The following RNPEP variants were observed in gnomAD, a reference collection of about 807,000 sequenced individuals.
RNPEP encodes the protein aminopeptidase B.
Under a neutral mutation model 70.1 loss-of-function variants are expected in RNPEP, and 57 were observed. The observed-to-expected ratio is 0.81, with a 90% CI of 0.66 to 1.01. RNPEP has a LOEUF of 1.01. Ranked by LOEUF, RNPEP falls within the 50% of genes least tolerant of loss-of-function variation. The probability of loss-of-function intolerance (pLI) is 0.00; values close to 1 mark genes in which losing one functional copy is unlikely to be tolerated. For missense variants in RNPEP, 787 were observed against 852.4 expected (o/e 0.92, Z 0.96); for synonymous variants, 335 against 357.4 (o/e 0.94, Z 0.71).
At position 201,982,962 on chromosome 1, in the gene RNPEP, G is replaced by A. The variant is rs1392691667; in HGVS notation, c.296G>A (p.Gly99Asp). Reference sequence around the variant, plus strand: ...GCGGCGCTGCGGCGGGAGCGGCCCGGCTCGGAGGAGCCGCCTGCGGAGCCC... The same window carrying A: ...GCGGCGCTGCGGCGGGAGCGGCCCGACTCGGAGGAGCCGCCTGCGGAGCCC... ...TAAALRRERP[G>D]SEEPPAEPVS... Residue 99 changes from glycine (G) to aspartate (D), a missense_variant, in exon 1 of 11, where the codon GGC (glycine) becomes GAC (aspartate). By Grantham distance (94) the Gly-to-Asp change is moderately conservative. Transcript: ENST00000295640. 42 of 1,502,022 alleles carry A rather than the reference G, an allele frequency of 2.8e-5. No individual in the cohort carries two copies. The highest frequency in any genetic ancestry group is 3.5e-5 in the Non-Finnish European group (40 of 1,128,708). 93.0% of individuals were successfully genotyped at this position (1,502,022 alleles called of 1,614,324 possible). A position where few individuals can be genotyped will look rare whatever the true frequency, so the allele number is the denominator to read the frequency against.
intron 3 of RNPEP, among the ~76,000 whole-genome samples, chr1:201,994,312 G>A (rs1049412399): frequency 6.6e-6 from 1 of 152,116 alleles, no homozygotes; most frequent in African/African-American, 2.4e-5. Context: ...AACTAAATCT[G>A]ATAATGTCAC....
chr1:201,998,469 C>T (rs1316946999), intron 5 of RNPEP, among the ~76,000 whole-genome samples: 3 of 152,134 alleles, frequency 2.0e-5, no homozygotes, highest in Non-Finnish European at 2.9e-5. Flanking sequence ...TGGTCTTGAA[C>T]TCCTGGCCTC....
Position 202,001,778 on chromosome 1 carries a change from G to A in RNPEP, c.1426+11G>A, listed in dbSNP as rs1449531510. ...TGGATATCATTCCAGGTAAGCAGAG[G>A]AACTGGCCCACAGGCTTCTAAAAAA... On this transcript the variant is annotated intron_variant, in intron 8 of 10. Coordinates refer to ENST00000295640, the MANE Select transcript of RNPEP (RefSeq NM_020216.4). The A allele has an allele frequency of 6.8e-7, 1 of 1,465,070 alleles. No homozygotes were observed. The highest frequency in any genetic ancestry group is 2.3e-5 in the East Asian group (1 of 44,208). 90.8% of individuals were successfully genotyped at this position (1,465,070 alleles called of 1,614,324 possible).
intron 5 of RNPEP, among the ~76,000 whole-genome samples, chr1:201,999,473 C>A (rs113937682): frequency 0.012 from 1,801 of 149,140 alleles, 37 homozygotes; most frequent in African/African-American, 0.042. Context: ...CAGGAGGAGA[C>A]GGAGGTTGCA....
Position 202,004,333 on chromosome 1 carries a change from C to T in RNPEP, c.1652-21C>T, listed in dbSNP as rs770563583. On this transcript the variant is annotated intron_variant, in intron 9 of 10. Coordinates refer to ENST00000295640, the MANE Select transcript of RNPEP (RefSeq NM_020216.4). ...GTGACCCACCGTGACCAGCCACAAACCATTTCTTTCTCTTCTCCAGGGAAT... is the reference window on the plus strand; with the variant it reads ...GTGACCCACCGTGACCAGCCACAAATCATTTCTTTCTCTTCTCCAGGGAAT... 7 of 1,613,628 alleles carry T rather than the reference C, an allele frequency of 4.3e-6. No homozygotes were observed. The Admixed American group carries it at 1.0e-4, about 23-fold the overall frequency.
In RNPEP at chr1:202,001,642, G is replaced by A; in HGVS notation, c.1318-17G>A. On this transcript the variant is annotated splice_polypyrimidine_tract_variant and intron_variant, in intron 7 of 10. Coordinates refer to ENST00000295640, the MANE Select transcript of RNPEP (RefSeq NM_020216.4). ...CACGGGGCCAGAGAGGGTCTAAAGA[G>A]CTTTCCCTCCTCACAGGCCTATGTG... 1 of 1,592,424 alleles carries A rather than the reference G, an allele frequency of 6.3e-7. No individual in the cohort carries two copies. Among genetic ancestry groups the A allele is most frequent in the South Asian group, 1.1e-5 (1 of 90,686 alleles).
intron 1 of RNPEP, among the ~76,000 whole-genome samples, chr1:201,988,098 C>A (rs144109514): frequency 0.041 from 6,126 of 150,962 alleles, 402 homozygotes; most frequent in African/African-American, 0.14. Flanking sequence ...TGAGATCACA[C>A]CATTGCACTC....
intron 1 of RNPEP, among the ~76,000 whole-genome samples, chr1:201,985,412 C>T (rs925341048): frequency 6.6e-6 from 1 of 152,168 alleles, no homozygotes; most frequent in African/African-American, 2.4e-5. Flanking sequence ...GCCACCTCCA[C>T]ACTTGGCTAA....
Position 202,000,582 on chromosome 1 carries a change from G to A in RNPEP, c.1204+567G>A, listed in dbSNP as rs146847832. On this transcript the variant is annotated intron_variant, in intron 6 of 10. Coordinates refer to ENST00000295640, the MANE Select transcript of RNPEP (RefSeq NM_020216.4). The stretch of plus-strand genomic sequence containing the variant: ...GTTTGCAGATGAATTTCTTAGAGAC[G>A]GGTAATTAGTTTTAGCCTGGAACAG... 5.9e-5 allele frequency among the ~76,000 whole-genome samples: 9 copies of A among 152,230 alleles called. No homozygotes were observed. The East Asian group carries it at 1.7e-3, about 29-fold the overall frequency.
chr1:202,002,775 T>G (rs1021702930), intron 8 of RNPEP, among the ~76,000 whole-genome samples: 3 of 152,208 alleles, frequency 2.0e-5, no homozygotes, highest in Non-Finnish European at 4.4e-5. Flanking sequence ...CATGTAATCC[T>G]CATAACCATC....
At chr1:201,994,046 G>A (rs1021080096) in intron 3 of RNPEP, among the ~76,000 whole-genome samples, 1 of 151,998 alleles carries the variant, frequency 6.6e-6, no homozygotes, top group African/African-American at 2.4e-5. Context: ...TTGCCTTCAT[G>A]TTCTGCTGTT....
intron 1 of RNPEP, among the ~76,000 whole-genome samples, chr1:201,984,922 G>C (rs1048490983): frequency 6.7e-6 from 1 of 148,634 alleles, no homozygotes; most frequent in African/African-American, 2.5e-5. Flanking sequence ...GCTGGGTGTG[G>C]TGGCTCACAT....
intron 3 of RNPEP, among the ~76,000 whole-genome samples, chr1:201,989,900 A>G (rs572940471): frequency 6.6e-6 from 1 of 150,954 alleles, no homozygotes; most frequent in East Asian, 2.0e-4. Context: ...ACTGGAGTGC[A>G]ATGGTGCGAT....
At chr1:201,983,536 CT>C (rs1314767222) in intron 1 of RNPEP, 2 of 1,316,970 alleles carry the variant, frequency 1.5e-6, no homozygotes, top group Non-Finnish European at 1.0e-6. Flanking sequence ...TATCAGCCAC[CT>C]TATCTCTGCT....
At position 201,989,431 on chromosome 1, in the gene RNPEP, A is replaced by G; in HGVS notation, c.637A>G (p.Arg213Gly). 1 of 1,614,250 alleles carries G rather than the reference A, an allele frequency of 6.2e-7. No individual in the cohort carries two copies. Among genetic ancestry groups the G allele is most frequent in the Non-Finnish European group, 8.5e-7 (1 of 1,180,046 alleles). ...AVMSASTWEKRGPNKFFFQMC... is the reference protein window; with the variant it reads ...AVMSASTWEKGGPNKFFFQMC... ...GATGAGTGCTAGCACCTGGGAGAAG[A>G]GAGGTCCAAATAAGTTCTTCTTCCA... The change falls in exon 3 of 11, where the codon AGA becomes GGA. Residue 213 changes from arginine to glycine, a missense_variant. Arg to Gly is a moderately radical substitution (Grantham distance 125). Transcript: ENST00000295640.
intron 4 of RNPEP, chr1:201,996,532 C>G (rs1278147885): frequency 1.9e-5 from 6 of 318,146 alleles, no homozygotes; most frequent in African/African-American, 4.4e-5. Context: ...CTCGCTCTGT[C>G]ACCCAGGCTG....
intron 3 of RNPEP, among the ~76,000 whole-genome samples, chr1:201,992,059 C>T (rs1469783638): frequency 1.5e-5 from 2 of 135,782 alleles, no homozygotes; most frequent in East Asian, 5.2e-4. Context: ...TCTTTTCTTG[C>T]CTCGCTCTCT....
chr1:202,004,611 G>C (rs531273349), intron 10 of RNPEP, 115 bp downstream of exon 10: 4 of 1,306,616 alleles, frequency 3.1e-6, no homozygotes, highest in Non-Finnish European at 4.2e-6. Context: ...CAGAGGGAGG[G>C]GCAAATGACC....
In RNPEP at chr1:201,983,114, G is replaced by A. The variant is rs1278859589; in HGVS notation, c.447+1G>A. On this transcript the variant is annotated splice_donor_variant, in intron 1 of 10. Coordinates refer to ENST00000295640, the MANE Select transcript of RNPEP (RefSeq NM_020216.4). LOFTEE classifies it high-confidence loss of function. ...CTACCGCGTCGGGGAGGGACCCGGG[G>A]TGAGTGCGCCCCAGACTGCGCCCGC... 1 of 1,475,588 alleles carries A rather than the reference G, an allele frequency of 6.8e-7. No homozygotes were observed. Among genetic ancestry groups the A allele is most frequent in the Non-Finnish European group, 8.9e-7 (1 of 1,122,902 alleles). The allele number at this position is 1,475,588 out of a possible 1,614,324, so 91.4% of individuals were successfully genotyped here. A position where few individuals can be genotyped will look rare whatever the true frequency, so the allele number is the denominator to read the frequency against.
Sources: gnomAD v4.1 joint callset for allele counts (sites outside exome capture counted in the v4.1 genomes callset) on GRCh38, gnomAD v4.1.1 for gene constraint, MANE v1.5 for transcripts, NCBI Gene and HGNC (gene_info 2026-07-23, HGNC 2026-07-21) for gene names.